Variants in DOCK5 observed in about 807,000 individuals in gnomAD.
DOCK5 encodes the protein dedicator of cytokinesis protein 5.
In DOCK5, 142 loss-of-function variants were observed where a neutral mutation model predicts 251.8. That is an observed-to-expected ratio of 0.56 (90% CI 0.49 to 0.65). The LOEUF (loss-of-function observed/expected upper bound fraction) is 0.65, where lower values mean the gene tolerates loss of function less well. DOCK5 is among the 30% of genes least tolerant of loss of function. The pLI is 0.00. For missense variants in DOCK5, 2,111 were observed against 2,312.3 expected, an observed-to-expected ratio of 0.91 and a Z score of 1.79; for synonymous variants, 842 against 835.5, an observed-to-expected ratio of 1.01 and a Z score of -0.13.
intron 18 of DOCK5, among the ~76,000 whole-genome samples, chr8:25,330,005 T>G (rs540850042): frequency 6.6e-6 from 1 of 152,304 alleles, no homozygotes; most frequent in African/African-American, 2.4e-5. Context: ...GGCATGCAGA[T>G]ATCACTAGGA....
rs147338200 is a variant in DOCK5, at chr8:25,306,901, T to C, written c.1050-1882T>C. 1.1e-4 allele frequency among the ~76,000 whole-genome samples: 16 copies of C among 152,252 alleles called. No homozygotes were observed. The East Asian group carries it at 3.1e-3, about 29-fold the overall frequency. On this transcript the variant is annotated intron_variant, in intron 11 of 51. Coordinates refer to ENST00000276440, the MANE Select transcript of DOCK5 (RefSeq NM_024940.8). ...AGTGTACTTACACAAACCCGGAATATATAGACTACTACACACCTACGCTGT... is the reference window on the plus strand; with the variant it reads ...AGTGTACTTACACAAACCCGGAATACATAGACTACTACACACCTACGCTGT...
chr8:25,399,570 A>C, intron 45 of DOCK5, among the ~76,000 whole-genome samples: 1 of 152,172 alleles, frequency 6.6e-6, no homozygotes, highest in East Asian at 1.9e-4. Context: ...TAGCCTTGAG[A>C]TATTGCCATT....
chr8:25,194,359 T>G (rs11998492), intron 1 of DOCK5, among the ~76,000 whole-genome samples: 112,561 of 152,010 alleles, frequency 0.74, 42,711 homozygotes, highest in Non-Finnish European at 0.81. Context: ...TTTGTTCACA[T>G]ATTGGATGCA....
intron 34 of DOCK5, among the ~76,000 whole-genome samples, chr8:25,370,463 T>C (rs911278856): frequency 2.0e-5 from 3 of 152,022 alleles, no homozygotes; most frequent in Admixed American, 2.0e-4. Context: ...TAATAAATAT[T>C]GGCTGCTCTG....
chr8:25,277,887 C>T (rs779358882), intron 4 of DOCK5, among the ~76,000 whole-genome samples: 1 of 152,142 alleles, frequency 6.6e-6, no homozygotes, highest in Non-Finnish European at 1.5e-5. Flanking sequence ...GCAGTCCTAC[C>T]ACCAGTTCCA....
At chr8:25,386,480 C>T (rs909673507) in intron 40 of DOCK5, among the ~76,000 whole-genome samples, 3 of 152,062 alleles carry the variant, frequency 2.0e-5, no homozygotes, top group Non-Finnish European at 4.4e-5. Flanking sequence ...GTGCTATGGT[C>T]CTAGCTACTC....
At chr8:25,306,734 A>G (rs1158177372) in intron 11 of DOCK5, among the ~76,000 whole-genome samples, 1 of 152,102 alleles carries the variant, frequency 6.6e-6, no homozygotes, top group Non-Finnish European at 1.5e-5. Flanking sequence ...ATAAATAAAT[A>G]TGTTGAATGT....
chr8:25,284,207 C>T (rs1444662249), intron 5 of DOCK5, among the ~76,000 whole-genome samples: 1 of 152,204 alleles, frequency 6.6e-6, no homozygotes, highest in Non-Finnish European at 1.5e-5. Flanking sequence ...ATTTTATGTG[C>T]TATATGCCTT....
At chr8:25,366,760 C>A (rs978633117) in intron 30 of DOCK5, 110 bp from the exon 31 acceptor site, 8 of 720,200 alleles carry the variant, frequency 1.1e-5, no homozygotes, top group African/African-American at 1.8e-5. Flanking sequence ...GTATTTTGTT[C>A]TTTCATTAAT....
rs145602971 is a variant in DOCK5, at chr8:25,347,008, C to T, written c.2754+1397C>T. On this transcript the variant is annotated intron_variant, in intron 26 of 51. Transcript: ENST00000276440. Reference sequence around the variant, plus strand: ...ATCTTACCACAAATTATAGTTACCACGTCTATGGTGGTTTCATGGCACAGG... The same window carrying T: ...ATCTTACCACAAATTATAGTTACCATGTCTATGGTGGTTTCATGGCACAGG... Among the ~76,000 whole-genome samples, 276 of 152,286 alleles carry T rather than the reference C, an allele frequency of 1.8e-3. 1 individual carries two copies. Among genetic ancestry groups the T allele is most frequent in the African/African-American group, 1.3e-3 (52 of 41,568 alleles).
At chr8:25,407,110 A>G (rs1801536271) in intron 48 of DOCK5, among the ~76,000 whole-genome samples, 1 of 152,158 alleles carries the variant, frequency 6.6e-6, no homozygotes, top group African/African-American at 2.4e-5. Flanking sequence ...TGTAACTTGT[A>G]TCAGTATAAA....
rs554170048 is a variant in DOCK5, at chr8:25,379,376, G to T, written c.3937-929G>T. On this transcript the variant is annotated intron_variant, in intron 38 of 51. Transcript: ENST00000276440. ...ATATTAATATTCCTTGCTAGGAAAAGAATTTAGTGATATCTCTCCTACTTG... is the reference window on the plus strand; with the variant it reads ...ATATTAATATTCCTTGCTAGGAAAATAATTTAGTGATATCTCTCCTACTTG... Among the ~76,000 whole-genome samples the T allele has an allele frequency of 9.9e-4, 150 of 152,200 alleles. 3 individuals are homozygous for T. The South Asian group carries it at 0.03, about 30-fold the overall frequency.
chr8:25,334,365 C>G (rs1805752023), intron 21 of DOCK5, among the ~76,000 whole-genome samples, 169 bp downstream of exon 21: 1 of 152,156 alleles, frequency 6.6e-6, no homozygotes, highest in African/African-American at 2.4e-5. Context: ...TCTAAGTATT[C>G]TAACTCTGGA....
chr8:25,259,151 G>A (rs1158766636), intron 2 of DOCK5, among the ~76,000 whole-genome samples: 1 of 152,158 alleles, frequency 6.6e-6, no homozygotes, highest in East Asian at 1.9e-4. Flanking sequence ...ATGCATGAAT[G>A]AATAAATAAA....
chr8:25,273,681 G>T (rs1586285166), intron 3 of DOCK5, among the ~76,000 whole-genome samples: 1 of 152,314 alleles, frequency 6.6e-6, no homozygotes, highest in East Asian at 1.9e-4. Flanking sequence ...CTTCGATGGT[G>T]TGCCTATGCG....
chr8:25,345,829 G>C (rs559987656), intron 26 of DOCK5, among the ~76,000 whole-genome samples: 44 of 152,098 alleles, frequency 2.9e-4, no homozygotes, highest in Non-Finnish European at 5.7e-4. Flanking sequence ...GGCTTGCCCA[G>C]TGTGCGCACT....
chr8:25,377,729 A>G (rs572879415), intron 38 of DOCK5, among the ~76,000 whole-genome samples: 2 of 152,152 alleles, frequency 1.3e-5, no homozygotes, highest in Non-Finnish European at 2.9e-5. Flanking sequence ...TTCATCAGGA[A>G]GAATGTAAAC....
At chr8:25,269,846 G>GA (rs1172624666) in intron 3 of DOCK5, among the ~76,000 whole-genome samples, 2 of 152,164 alleles carry the variant, frequency 1.3e-5, no homozygotes, top group African/African-American at 2.4e-5. Flanking sequence ...AAAGAGGAGT[G>GA]AAAAAACAAA....
At chr8:25,331,313 G>A (rs1431018478) in intron 18 of DOCK5, among the ~76,000 whole-genome samples, 1 of 150,834 alleles carries the variant, frequency 6.6e-6, no homozygotes, top group Admixed American at 6.6e-5. Context: ...TCTCTATGTT[G>A]CCCAGGCTGG....
Sources: gnomAD v4.1 joint callset for allele counts (sites outside exome capture counted in the v4.1 genomes callset) on GRCh38, gnomAD v4.1.1 for gene constraint, MANE v1.5 for transcripts, NCBI Gene and HGNC (gene_info 2026-07-23, HGNC 2026-07-21) for gene names.